Variants in ZNF407 observed in about 807,000 individuals in gnomAD.
ZNF407 encodes the protein zinc finger protein 407.
In ZNF407, 17 loss-of-function variants were observed where a neutral mutation model predicts 131.2. The ratio of observed to expected loss-of-function variants is 0.13; its 90% CI spans 0.09 to 0.19. ZNF407 has a LOEUF of 0.19. ZNF407 is among the 10% of genes least tolerant of loss of function. ZNF407 has a pLI of 1.00. For missense variants in ZNF407, 2,681 were observed against 2,830.6 expected (o/e 0.95, Z 1.20); for synonymous variants, 1,156 against 1,062.0 (o/e 1.09, Z -1.72).
In ZNF407 at chr18:74,666,549, T is replaced by A. The variant is rs1182352478; in HGVS notation, c.4802+25427T>A. Reference sequence around the variant, plus strand: ...TGATCCTTGGTTTACCTCCTTTGGATGGAACTATCCTTCAGTGAGTTCAGA... The same window carrying A: ...TGATCCTTGGTTTACCTCCTTTGGAAGGAACTATCCTTCAGTGAGTTCAGA... On this transcript the variant is annotated intron_variant, in intron 3 of 8. Coordinates refer to ENST00000299687, the MANE Select transcript of ZNF407 (RefSeq NM_017757.3). 2.0e-5 allele frequency among the ~76,000 whole-genome samples: 3 copies of A among 152,082 alleles called. No homozygotes were observed. The East Asian group carries it at 5.8e-4, about 29-fold the overall frequency.
intron 4 of ZNF407, among the ~76,000 whole-genome samples, chr18:74,811,181 A>G (rs1300219852): frequency 6.9e-6 from 1 of 145,978 alleles, no homozygotes; most frequent in African/African-American, 2.5e-5. Context: ...TTTACAAGAA[A>G]AAAACAAACA....
At chr18:74,802,875 A>G (rs1387576927) in intron 4 of ZNF407, among the ~76,000 whole-genome samples, 1 of 152,230 alleles carries the variant, frequency 6.6e-6, no homozygotes, top group Non-Finnish European at 1.5e-5. Flanking sequence ...CTGTTCTGAC[A>G]TTAAGCCAGC....
At chr18:74,906,716 T>C (rs1427330312) in intron 7 of ZNF407, among the ~76,000 whole-genome samples, 1 of 152,120 alleles carries the variant, frequency 6.6e-6, no homozygotes, top group Non-Finnish European at 1.5e-5. Context: ...TATCTGTATA[T>C]GTATGTGCAT....
At chr18:74,626,728 C>T (rs892623996) in intron 1 of ZNF407, among the ~76,000 whole-genome samples, 6 of 152,182 alleles carry the variant, frequency 3.9e-5, no homozygotes, top group Non-Finnish European at 8.8e-5. Context: ...CTCACACATG[C>T]AGTAAAAGCG....
chr18:75,055,247 G>C (rs1973548828), intron 8 of ZNF407, among the ~76,000 whole-genome samples: 1 of 152,200 alleles, frequency 6.6e-6, no homozygotes, highest in Non-Finnish European at 1.5e-5. Flanking sequence ...GCCCTTCCCA[G>C]CCTAATTTTA....
At chr18:74,755,737 C>CTTTCTT (rs1968929190) in intron 3 of ZNF407, among the ~76,000 whole-genome samples, 1 of 105,678 alleles carries the variant, frequency 9.5e-6, no homozygotes, top group East Asian at 2.7e-4. Context: ...TCCTTTCTTT[C>CTTTCTT]TTTCTTTCTT....
intron 4 of ZNF407, chr18:74,804,454 T>C (rs904048984): frequency 5.0e-5 from 50 of 991,292 alleles, no homozygotes; most frequent in Non-Finnish European, 6.0e-5. Flanking sequence ...GAGAAGTCTT[T>C]CGTTAATCAG....
At chr18:74,769,058 C>A (rs8099394) in intron 3 of ZNF407, among the ~76,000 whole-genome samples, 23,311 of 152,026 alleles carry the variant, frequency 0.15, 3,132 homozygotes, top group African/African-American at 0.36. Flanking sequence ...AGAGGAATTA[C>A]TGTGCTAGGC....
At chr18:74,984,660 G>T (rs1488261354) in intron 8 of ZNF407, among the ~76,000 whole-genome samples, 2 of 152,158 alleles carry the variant, frequency 1.3e-5, no homozygotes, top group Admixed American at 1.3e-4. Flanking sequence ...CTAAATGATG[G>T]TTAAGAAAAT....
intron 8 of ZNF407, among the ~76,000 whole-genome samples, chr18:74,935,911 A>T (rs1972034355): frequency 6.6e-6 from 1 of 152,174 alleles, no homozygotes; most frequent in African/African-American, 2.4e-5. Context: ...CTAATGTATT[A>T]TCTCCATCCA....
chr18:75,012,954 A>ATTT (rs1568300757), intron 8 of ZNF407, among the ~76,000 whole-genome samples: 11 of 149,894 alleles, frequency 7.3e-5, no homozygotes, highest in African/African-American at 1.2e-4. Flanking sequence ...CTTTTTTAAA[A>ATTT]AAAAAAAAAA....
At chr18:74,955,137 C>T (rs1372657316) in intron 8 of ZNF407, among the ~76,000 whole-genome samples, 3 of 151,986 alleles carry the variant, frequency 2.0e-5, no homozygotes, top group Non-Finnish European at 4.4e-5. Context: ...GAGGGTAGTG[C>T]TGAGGGGCCG....
Position 74,808,115 on chromosome 18 carries a change from A to T in ZNF407, c.4877+26613A>T, listed in dbSNP as rs533848214. Among the ~76,000 whole-genome samples the T allele has an allele frequency of 4.6e-5, 7 of 152,064 alleles. No homozygotes were observed. The East Asian group carries it at 9.7e-4, about 21-fold the overall frequency. ...CGCAACTTCCGCCTCCGAGGTTCAG[A>T]TGATTCTCCTACCTCAGTCTCCCGA... On this transcript the variant is annotated intron_variant, in intron 4 of 8. Coordinates refer to ENST00000299687, the MANE Select transcript of ZNF407 (RefSeq NM_017757.3).
intron 3 of ZNF407, among the ~76,000 whole-genome samples, chr18:74,690,000 G>C (rs754625750): frequency 5.9e-5 from 9 of 151,968 alleles, no homozygotes; most frequent in Non-Finnish European, 1.0e-4. Flanking sequence ...CCAAAAGGAG[G>C]TACCTCCGAA....
At chr18:74,658,881 A>G (rs72967625) in intron 3 of ZNF407, among the ~76,000 whole-genome samples, 11,437 of 152,216 alleles carry the variant, frequency 0.075, 460 homozygotes, top group East Asian at 0.12. Context: ...AGCTTTCTCT[A>G]AACTATTAAT....
chr18:75,043,161 G>A lies in ZNF407; in HGVS notation c.5429-19989G>A, dbSNP rs549894593. 3.1e-4 allele frequency among the ~76,000 whole-genome samples: 47 copies of A among 152,268 alleles called. No individual in the cohort carries two copies. In the South Asian group the frequency reaches 8.3e-3, roughly 27 times the overall value. ...TTCATGAGAGCTCCAGGTGCTCCGCGTCCTCACCAGCACTTGGCATGATCG... is the reference window on the plus strand; with the variant it reads ...TTCATGAGAGCTCCAGGTGCTCCGCATCCTCACCAGCACTTGGCATGATCG... On this transcript the variant is annotated intron_variant, in intron 8 of 8. Transcript: ENST00000299687.
At chr18:75,023,090 AACACCACATGTTCTC>A (rs1418431585) in intron 8 of ZNF407, among the ~76,000 whole-genome samples, 1 of 152,116 alleles carries the variant, frequency 6.6e-6, no homozygotes, top group Non-Finnish European at 1.5e-5. Context: ...CAGAAAACCA[AACACCACATGTTCTC>A]ACTTACAAGT....
At chr18:74,727,404 C>G (rs1007318626) in intron 3 of ZNF407, among the ~76,000 whole-genome samples, 1 of 152,120 alleles carries the variant, frequency 6.6e-6, no homozygotes, top group African/African-American at 2.4e-5. Context: ...CATCCAGGTT[C>G]TGCTGGTTAT....
intron 8 of ZNF407, among the ~76,000 whole-genome samples, chr18:74,945,824 C>T (rs941342885): frequency 1.3e-5 from 2 of 152,142 alleles, no homozygotes; most frequent in Non-Finnish European, 2.9e-5. Flanking sequence ...TCTTAAGGAA[C>T]GTTTCAAATG....
Sources: gnomAD v4.1 joint callset for allele counts (sites outside exome capture counted in the v4.1 genomes callset) on GRCh38, gnomAD v4.1.1 for gene constraint, MANE v1.5 for transcripts, NCBI Gene and HGNC (gene_info 2026-07-23, HGNC 2026-07-21) for gene names.